The following SMURF2 variants were observed in gnomAD, a reference collection of about 807,000 sequenced individuals.
The protein encoded by SMURF2 is E3 ubiquitin-protein ligase SMURF2.
In SMURF2, 48 loss-of-function variants were observed where a neutral mutation model predicts 109.6. The observed-to-expected ratio is 0.44, with a 90% CI of 0.35 to 0.56. SMURF2 has a LOEUF of 0.56. Among genes scored for constraint, SMURF2 ranks in the 20% least tolerant of loss-of-function variants. The pLI is 0.01. For missense variants in SMURF2, 575 were observed against 909.0 expected, an observed-to-expected ratio of 0.63 and a Z score of 4.72; for synonymous variants, 288 against 317.1, an observed-to-expected ratio of 0.91 and a Z score of 0.97.
intron 1 of SMURF2, among the ~76,000 whole-genome samples, chr17:64,619,167 C>T (rs1472696449): frequency 1.8e-4 from 27 of 152,010 alleles, no homozygotes; most frequent in Admixed American, 1.6e-3. Flanking sequence ...AATTAACCTA[C>T]GAGGTTGCAA....
intron 1 of SMURF2, among the ~76,000 whole-genome samples, chr17:64,615,891 G>A (rs529731361): frequency 1.4e-3 from 207 of 151,962 alleles, no homozygotes; most frequent in Middle Eastern, 6.8e-3. Flanking sequence ...GTGCAATGGC[G>A]CGATCTCAGC....
chr17:64,638,785 G>A (rs892015640), intron 1 of SMURF2, among the ~76,000 whole-genome samples: 2 of 152,168 alleles, frequency 1.3e-5, no homozygotes, highest in Admixed American at 1.3e-4. Flanking sequence ...TGCCCCATGA[G>A]TTAGCACAAC....
At chr17:64,593,387 A>G in intron 4 of SMURF2, 53 bp downstream of exon 4, 1 of 1,464,420 alleles carries the variant, frequency 6.8e-7, no homozygotes. Flanking sequence ...AAATACATAT[A>G]CACACACACA....
chr17:64,592,454 T>C (rs1969763374), intron 4 of SMURF2, among the ~76,000 whole-genome samples: 2 of 152,338 alleles, frequency 1.3e-5, no homozygotes, highest in South Asian at 2.1e-4. Context: ...CTAGCTCAAT[T>C]TTCTGCCCTT....
chr17:64,650,990 T>A (rs1025989560), intron 1 of SMURF2, among the ~76,000 whole-genome samples: 10 of 150,512 alleles, frequency 6.6e-5, no homozygotes, highest in African/African-American at 2.2e-4. Context: ...GGTAGGCTGA[T>A]CACCTGAGGT....
At chr17:64,613,189 G>C (rs976934477) in intron 1 of SMURF2, among the ~76,000 whole-genome samples, 14 of 152,140 alleles carry the variant, frequency 9.2e-5, no homozygotes, top group African/African-American at 3.4e-4. Flanking sequence ...TAGAACCACA[G>C]CCCATTGCTC....
chr17:64,573,290 G>A (rs1407348691), intron 9 of SMURF2, among the ~76,000 whole-genome samples: 1 of 137,542 alleles, frequency 7.3e-6, no homozygotes, highest in Non-Finnish European at 1.6e-5. Flanking sequence ...GGAGGAGGAG[G>A]AGAAGATAAA....
At chr17:64,619,125 T>C (rs1555690371) in intron 1 of SMURF2, among the ~76,000 whole-genome samples, 1 of 152,142 alleles carries the variant, frequency 6.6e-6, no homozygotes, top group East Asian at 1.9e-4. Flanking sequence ...ACACTGGCTA[T>C]TATTATTACT....
At chr17:64,634,723 G>A (rs895028786) in intron 1 of SMURF2, among the ~76,000 whole-genome samples, 9 of 152,082 alleles carry the variant, frequency 5.9e-5, no homozygotes, top group Non-Finnish European at 8.8e-5. Context: ...AATGGGGCTT[G>A]GGGACAGAGC....
At chr17:64,658,574 G>C (rs545761162) in intron 1 of SMURF2, among the ~76,000 whole-genome samples, 21 of 152,058 alleles carry the variant, frequency 1.4e-4, no homozygotes, top group Non-Finnish European at 1.8e-4. Context: ...AACATGAGAA[G>C]CAGCATACAA....
Position 64,631,979 on chromosome 17 carries a change from G to C in SMURF2, c.53-25339C>G, listed in dbSNP as rs1240106133. On this transcript the variant is annotated intron_variant, in intron 1 of 18. Coordinates refer to ENST00000262435, the MANE Select transcript of SMURF2 (RefSeq NM_022739.4). ...TTTTTTGCGGGGGGGGGGGGGGGGGGGTGGACAGAGGCACACTCGCCCACG... is the reference window on the plus strand; with the variant it reads ...TTTTTTGCGGGGGGGGGGGGGGGGGCGTGGACAGAGGCACACTCGCCCACG... Among the ~76,000 whole-genome samples, 297 of 79,818 alleles carry C rather than the reference G, an allele frequency of 3.7e-3. 2 individuals carry two copies. The highest frequency in any genetic ancestry group is 4.3e-3 in the African/African-American group (74 of 17,152). 52.4% of individuals were successfully genotyped at this position (79,818 alleles called of 152,430 possible). A position where few individuals can be genotyped will look rare whatever the true frequency, so the allele number is the denominator to read the frequency against.
chr17:64,657,830 C>T (rs903611865), intron 1 of SMURF2, among the ~76,000 whole-genome samples: 5 of 151,764 alleles, frequency 3.3e-5, no homozygotes, highest in African/African-American at 1.2e-4. Context: ...ATAGTAATAG[C>T]TCAACCAACA....
rs554059107 is a variant in SMURF2, at chr17:64,609,416, A to T, written c.53-2776T>A. On this transcript the variant is annotated intron_variant, in intron 1 of 18. Coordinates refer to ENST00000262435, the MANE Select transcript of SMURF2 (RefSeq NM_022739.4). The stretch of plus-strand genomic sequence containing the variant: ...CAAAAACAGCACGGTACTGGTACCA[A>T]AACAAATATATAGACCAATGTAACA... Among the ~76,000 whole-genome samples, 21 of 152,348 alleles carry T rather than the reference A, an allele frequency of 1.4e-4. No homozygotes were observed. The South Asian group carries it at 4.3e-3, about 32-fold the overall frequency.
At chr17:64,571,085 C>A (rs1969391911) in intron 10 of SMURF2, among the ~76,000 whole-genome samples, 1 of 152,018 alleles carries the variant, frequency 6.6e-6, no homozygotes, top group Non-Finnish European at 1.5e-5. Flanking sequence ...CTGGCCTTAC[C>A]AACATATGTA....
At chr17:64,567,198 T>C (rs1425032120) in intron 10 of SMURF2, among the ~76,000 whole-genome samples, 8 of 152,108 alleles carry the variant, frequency 5.3e-5, no homozygotes, top group African/African-American at 1.9e-4. Flanking sequence ...ATCAAAGATA[T>C]TGAAGAGAGG....
chr17:64,627,342 C>T (rs1423358358), intron 1 of SMURF2, among the ~76,000 whole-genome samples: 1 of 152,140 alleles, frequency 6.6e-6, no homozygotes, highest in African/African-American at 2.4e-5. Context: ...TCTCGAACTC[C>T]TGACCTCAAG....
At position 64,543,830 on chromosome 17, in the gene SMURF2, A is replaced by G. The variant is rs1422152230; in HGVS notation, c.*2018T>C. 6.6e-6 allele frequency: 1 copy of G among 152,230 alleles called. No homozygotes were observed. The highest frequency in any genetic ancestry group is 1.5e-5 in the Non-Finnish European group (1 of 68,030). 9.4% of individuals were successfully genotyped at this position (152,230 alleles called of 1,614,324 possible). The stretch of plus-strand genomic sequence containing the variant: ...GAGATGGGTCTGCAACCAGTAAAGT[A>G]CTATCATGACAGCTGAACATTACTG... On this transcript the variant is annotated 3_prime_UTR_variant, in exon 19 of 19. Transcript: ENST00000262435.
intron 2 of SMURF2, among the ~76,000 whole-genome samples, chr17:64,606,225 T>A (rs754172576): frequency 2.0e-4 from 30 of 152,194 alleles, no homozygotes; most frequent in Non-Finnish European, 3.7e-4. Flanking sequence ...CCAATGAATC[T>A]TGAATGAGTA....
chr17:64,636,357 C>T (rs1450095367), intron 1 of SMURF2, among the ~76,000 whole-genome samples: 1 of 152,096 alleles, frequency 6.6e-6, no homozygotes, highest in Non-Finnish European at 1.5e-5. Flanking sequence ...AATCCCAGCA[C>T]TTTGGGAGGC....
Sources: gnomAD v4.1 joint callset for allele counts (sites outside exome capture counted in the v4.1 genomes callset) on GRCh38, gnomAD v4.1.1 for gene constraint, MANE v1.5 for transcripts, NCBI Gene and HGNC (gene_info 2026-07-23, HGNC 2026-07-21) for gene names.